AUTS2: variants seen among roughly 807,000 people sequenced by gnomAD.
AUTS2 encodes autism susceptibility gene 2 protein.
Under a neutral mutation model 112.4 loss-of-function variants are expected in AUTS2, and 17 were observed. The observed-to-expected ratio is 0.15, with a 90% CI of 0.10 to 0.23. The LOEUF (loss-of-function observed/expected upper bound fraction) is 0.23, where lower values mean the gene tolerates loss of function less well. Ranked by LOEUF, AUTS2 falls within the 10% of genes least tolerant of loss-of-function variation. AUTS2 has a pLI of 1.00. For missense variants in AUTS2, 1,510 were observed against 1,701.6 expected, an observed-to-expected ratio of 0.89 and a Z score of 1.98; for synonymous variants, 751 against 702.7, an observed-to-expected ratio of 1.07 and a Z score of -1.09.
At chr7:70,613,256 TGTG>T (rs1563076379) in intron 5 of AUTS2, among the ~76,000 whole-genome samples, 1 of 151,940 alleles carries the variant, frequency 6.6e-6, no homozygotes, top group Non-Finnish European at 1.5e-5. Flanking sequence ...TGTGTGTGTG[TGTG>T]TGTGTGTGTA....
At chr7:70,695,535 T>C (rs1441780456) in intron 5 of AUTS2, among the ~76,000 whole-genome samples, 1 of 152,098 alleles carries the variant, frequency 6.6e-6, no homozygotes, top group Non-Finnish European at 1.5e-5. Context: ...AGGAGGTTTC[T>C]GTTTTGTTGT....
intron 5 of AUTS2, among the ~76,000 whole-genome samples, chr7:70,534,682 T>A (rs1243443273): frequency 6.6e-6 from 1 of 152,190 alleles, no homozygotes; most frequent in Non-Finnish European, 1.5e-5. Context: ...CACCTCGGCC[T>A]CCCAAAGTGC....
At chr7:69,658,015 G>T (rs904555273) in intron 1 of AUTS2, among the ~76,000 whole-genome samples, 2 of 152,206 alleles carry the variant, frequency 1.3e-5, no homozygotes, top group Non-Finnish European at 2.9e-5. Context: ...AACAGTTTTT[G>T]CCTTTTTAAA....
At chr7:70,762,687 C>T (rs1337055435) in intron 6 of AUTS2, among the ~76,000 whole-genome samples, 183 bp from the exon 7 acceptor site, 6 of 152,164 alleles carry the variant, frequency 3.9e-5, no homozygotes, top group Admixed American at 3.3e-4. Flanking sequence ...CTCTGTCCAC[C>T]ATTGACCCCA....
chr7:70,463,634 A>T (rs933320207), intron 5 of AUTS2, among the ~76,000 whole-genome samples: 1 of 152,160 alleles, frequency 6.6e-6, no homozygotes, highest in African/African-American at 2.4e-5. Context: ...ATGGAAATGG[A>T]TCTCTTGTCT....
intron 2 of AUTS2, among the ~76,000 whole-genome samples, chr7:69,950,429 T>C (rs1796978520): frequency 6.6e-6 from 1 of 152,210 alleles, no homozygotes; most frequent in East Asian, 1.9e-4. Flanking sequence ...TTTAATTTTT[T>C]TCAACATAGT....
intron 1 of AUTS2, among the ~76,000 whole-genome samples, chr7:69,815,317 G>GATATCTAT (rs888443035): frequency 2.0e-5 from 3 of 152,064 alleles, no homozygotes; most frequent in East Asian, 1.9e-4. Context: ...AGGAGATATA[G>GATATCTAT]ATATCTATAT....
rs67558137 is a variant in AUTS2 at position 69,927,186 on chromosome 7, T to TTATATATATATATATA, written c.522+27693_522+27708dup. 2.9e-4 allele frequency among the ~76,000 whole-genome samples: 42 copies of TTATATATATATATATA among 142,396 alleles called. 1 individual carries two copies. In the East Asian group the frequency reaches 7.4e-3, roughly 25 times the overall value. The allele number at this position is 142,396 out of a possible 152,430, so 93.4% of individuals were successfully genotyped here. A position where few individuals can be genotyped will look rare whatever the true frequency, so the allele number is the denominator to read the frequency against. On this transcript the variant is annotated intron_variant, in intron 2 of 18. Transcript: ENST00000342771. ...TTGAATGGAAAATACTCCAATATAT[T>TTATATATATATATATA]TATATATATATATATATATACATAC...
chr7:70,351,003 TATC>T (rs1261933594), intron 4 of AUTS2, among the ~76,000 whole-genome samples: 1 of 152,084 alleles, frequency 6.6e-6, no homozygotes, highest in Non-Finnish European at 1.5e-5. Flanking sequence ...TTATTTCACT[TATC>T]ATCGTGTTCT....
chr7:70,134,747 G>T (rs970911589), intron 4 of AUTS2, among the ~76,000 whole-genome samples, 176 bp downstream of exon 4: 3 of 152,134 alleles, frequency 2.0e-5, no homozygotes, highest in African/African-American at 7.2e-5. Flanking sequence ...ATAGCCTGCT[G>T]GGCCCTAGGG....
At chr7:70,383,521 A>C (rs961462269) in intron 4 of AUTS2, among the ~76,000 whole-genome samples, 35 of 152,232 alleles carry the variant, frequency 2.3e-4, no homozygotes, top group African/African-American at 8.0e-4. Context: ...CAGTGCATTC[A>C]TCATAGCTTC....
chr7:70,235,364 C>T (rs192497709), intron 4 of AUTS2, among the ~76,000 whole-genome samples: 39 of 152,054 alleles, frequency 2.6e-4, no homozygotes, highest in Admixed American at 1.2e-3. Flanking sequence ...TCTTGAACTC[C>T]GGGCCTCAAG....
At chr7:70,053,544 G>GTTTTTGTTTTTTTTTTTTTTT (rs1801851073) in intron 2 of AUTS2, among the ~76,000 whole-genome samples, 1 of 127,848 alleles carries the variant, frequency 7.8e-6, no homozygotes, top group African/African-American at 3.1e-5. Context: ...GTTTTGGGTG[G>GTTTTTGTTTTTTTTTTTTTTT]TTTTTTTTTT....
At chr7:70,059,415 T>C (rs1802139953) in intron 2 of AUTS2, among the ~76,000 whole-genome samples, 1 of 152,240 alleles carries the variant, frequency 6.6e-6, no homozygotes, top group Non-Finnish European at 1.5e-5. Flanking sequence ...TAATCTTGGT[T>C]GCTTCCAAGT....
At chr7:70,609,566 G>T (rs868414433) in intron 5 of AUTS2, among the ~76,000 whole-genome samples, 141 of 145,118 alleles carry the variant, frequency 9.7e-4, no homozygotes, top group African/African-American at 3.6e-3. Context: ...AGCTAATTTT[G>T]TTTTTTTTGT....
chr7:70,490,196 A>G (rs1256913640), intron 5 of AUTS2, among the ~76,000 whole-genome samples: 1 of 152,174 alleles, frequency 6.6e-6, no homozygotes, highest in African/African-American at 2.4e-5. Flanking sequence ...TATTGAATAG[A>G]AAACAACAGT....
chr7:70,076,859 A>G (rs1173706817), intron 2 of AUTS2, among the ~76,000 whole-genome samples: 1 of 152,238 alleles, frequency 6.6e-6, no homozygotes. Context: ...GCCTGTTTGA[A>G]CAAAGCTAAG....
At chr7:69,983,123 A>G (rs1457873082) in intron 2 of AUTS2, among the ~76,000 whole-genome samples, 1 of 152,234 alleles carries the variant, frequency 6.6e-6, no homozygotes, top group Admixed American at 6.5e-5. Context: ...TGTTAGGAAA[A>G]GCCTATTATA....
At chr7:70,261,815 C>T (rs1383915794) in intron 4 of AUTS2, among the ~76,000 whole-genome samples, 1 of 152,188 alleles carries the variant, frequency 6.6e-6, no homozygotes, top group East Asian at 1.9e-4. Context: ...AGTAGGAAAG[C>T]AGACCCCTGG....
Sources: gnomAD v4.1 joint callset for allele counts (sites outside exome capture counted in the v4.1 genomes callset) on GRCh38, gnomAD v4.1.1 for gene constraint, MANE v1.5 for transcripts, NCBI Gene and HGNC (gene_info 2026-07-23, HGNC 2026-07-21) for gene names.